The following NXN variants were observed in gnomAD, a reference collection of about 807,000 sequenced individuals.
NXN encodes the protein nucleoredoxin 1.
In NXN, 16 loss-of-function variants were observed where a neutral mutation model predicts 48.6. That is an observed-to-expected ratio of 0.33 (90% CI 0.22 to 0.50). NXN has a LOEUF of 0.50. Among genes scored for constraint, NXN ranks in the 20% least tolerant of loss-of-function variants. NXN has a pLI of 0.98. For missense variants in NXN, 492 were observed against 605.5 expected (o/e 0.81, Z 1.97); for synonymous variants, 281 against 269.6 (o/e 1.04, Z -0.41).
chr17:966,655 C>A (rs1469124395), intron 1 of NXN, among the ~76,000 whole-genome samples: 4 of 152,008 alleles, frequency 2.6e-5, no homozygotes, highest in Non-Finnish European at 5.9e-5. Flanking sequence ...CTGGTGTTCG[C>A]ATATTTTATG....
intron 1 of NXN, chr17:864,056 G>T (rs12946378): frequency 3.6e-6 from 5 of 1,391,570 alleles, no homozygotes; most frequent in Non-Finnish European, 4.6e-6. Flanking sequence ...GCCATTGCTC[G>T]GTTCCGGTGA....
intron 1 of NXN, among the ~76,000 whole-genome samples, chr17:938,565 C>T (rs759390712): frequency 7.9e-5 from 12 of 151,956 alleles, no homozygotes; most frequent in African/African-American, 1.2e-4. Context: ...CCCCTGTAGT[C>T]CCAGCTACTT....
intron 1 of NXN, among the ~76,000 whole-genome samples, chr17:881,334 C>T (rs1191362716): frequency 6.6e-6 from 1 of 152,128 alleles, no homozygotes; most frequent in Non-Finnish European, 1.5e-5. Flanking sequence ...CGCAGCACCC[C>T]AGACTCAAGT....
chr17:903,254 G>A (rs1278074223), intron 1 of NXN, among the ~76,000 whole-genome samples: 1 of 152,068 alleles, frequency 6.6e-6, no homozygotes, highest in Admixed American at 6.6e-5. Context: ...CACCCAGGCT[G>A]GAGTGCAGTG....
chr17:932,283 C>T lies in NXN; in HGVS notation c.360+47036G>A, dbSNP rs540998688. Among the ~76,000 whole-genome samples, 16 of 152,314 alleles carry T rather than the reference C, an allele frequency of 1.1e-4. No individual in the cohort carries two copies. The highest frequency in any genetic ancestry group is 3.4e-4 in the African/African-American group (14 of 41,572). On this transcript the variant is annotated intron_variant, in intron 1 of 7. Coordinates refer to ENST00000336868, the MANE Select transcript of NXN (RefSeq NM_022463.5). The surrounding 1 kb of genome is among the most constrained non-coding windows in gnomAD (Gnocchi z 4.1). ...AAACCGGCCTTGTTTTGGTCCTAGG[C>T]GGCGGTTCTTAAACTCTGGTCCCTG...
rs1913936428 is a variant in NXN, at chr17:838,188, G to A, written c.361-12110C>T. ...GCTCTGTCGCCCAGGCTGGAGTGCA[G>A]TGGCTCGATCTCTGCTCACCACAAC... On this transcript the variant is annotated intron_variant, in intron 1 of 7. Coordinates refer to ENST00000336868, the MANE Select transcript of NXN (RefSeq NM_022463.5). Among the ~76,000 whole-genome samples the A allele has an allele frequency of 2.2e-5, 3 of 133,608 alleles. No homozygotes were observed. In the South Asian group the frequency reaches 7.0e-4, roughly 31 times the overall value. 87.7% of individuals were successfully genotyped at this position (133,608 alleles called of 152,430 possible). A position where few individuals can be genotyped will look rare whatever the true frequency, so the allele number is the denominator to read the frequency against.
chr17:864,083 T>C, intron 1 of NXN: 1 of 1,426,168 alleles, frequency 7.0e-7, no homozygotes, highest in Non-Finnish European at 9.1e-7. Context: ...ACAGTTACCG[T>C]TGCTCGGTTC....
At chr17:915,222 C>CCA (rs2068676105) in intron 1 of NXN, among the ~76,000 whole-genome samples, 1 of 152,202 alleles carries the variant, frequency 6.6e-6, no homozygotes, top group Non-Finnish European at 1.5e-5. Flanking sequence ...GCGTGAGCCA[C>CCA]TGCACCCGGC....
intron 1 of NXN, chr17:896,970 C>T (rs577750526): frequency 1.7e-6 from 2 of 1,191,198 alleles, no homozygotes; most frequent in Non-Finnish European, 2.1e-6. Context: ...TGCAGTGACG[C>T]CTCTCCTAGG....
At chr17:875,604 GTTT>G (rs1323720690) in intron 1 of NXN, among the ~76,000 whole-genome samples, 1 of 151,582 alleles carries the variant, frequency 6.6e-6, no homozygotes, top group South Asian at 2.1e-4. Context: ...TGGTGTTTTT[GTTT>G]TTGTTTTAAG....
chr17:813,927 A>T (rs530738218), intron 5 of NXN, among the ~76,000 whole-genome samples: 1 of 146,518 alleles, frequency 6.8e-6, no homozygotes, highest in Non-Finnish European at 1.5e-5. Flanking sequence ...GATTGTGCCA[A>T]TGTACTCCAG....
chr17:976,037 G>T (rs2069453256), intron 1 of NXN, among the ~76,000 whole-genome samples: 1 of 152,164 alleles, frequency 6.6e-6, no homozygotes, highest in African/African-American at 2.4e-5. Context: ...TACAATTTAT[G>T]CACAGCTATA....
At chr17:817,582 T>G (rs753890790) in intron 5 of NXN, among the ~76,000 whole-genome samples, 3 of 148,614 alleles carry the variant, frequency 2.0e-5, no homozygotes, top group Non-Finnish European at 4.4e-5. Context: ...GGCAGGAGAA[T>G]GGCGTGAACC....
chr17:814,292 T>A (rs1912346262), intron 5 of NXN, among the ~76,000 whole-genome samples: 1 of 151,906 alleles, frequency 6.6e-6, no homozygotes, highest in Non-Finnish European at 1.5e-5. Flanking sequence ...AAAAAGGCTG[T>A]CCTAGGGTAC....
intron 1 of NXN, among the ~76,000 whole-genome samples, chr17:852,051 C>G (rs1213815746): frequency 3.3e-5 from 5 of 152,228 alleles, no homozygotes; most frequent in Non-Finnish European, 7.3e-5. Flanking sequence ...CCCTGCCACC[C>G]TAATCCCTCA....
rs957170158 is a variant in NXN, at chr17:800,654, A to T, written c.*295T>A. ...CACTCTGCCCAGGACACCCTGGCAG[A>T]TCCTTCACCAAAAGCTAGTGACTTT... On this transcript the variant is annotated 3_prime_UTR_variant, in exon 8 of 8. Transcript: ENST00000336868. The T allele has an allele frequency of 3.1e-5, 7 of 226,280 alleles. No individual in the cohort carries two copies. Among genetic ancestry groups the T allele is most frequent in the Non-Finnish European group, 6.0e-5 (7 of 116,018 alleles). The allele number at this position is 226,280 out of a possible 1,614,324, so 14.0% of individuals were successfully genotyped here.
chr17:833,290 C>A (rs1222077764), intron 1 of NXN, among the ~76,000 whole-genome samples: 1 of 152,146 alleles, frequency 6.6e-6, no homozygotes, highest in Non-Finnish European at 1.5e-5. Flanking sequence ...CCTCAGGCCA[C>A]CCAAAGCATG....
intron 1 of NXN, among the ~76,000 whole-genome samples, chr17:845,805 G>A (rs1011401614): frequency 4.6e-5 from 7 of 152,242 alleles, no homozygotes; most frequent in Admixed American, 1.3e-4. Flanking sequence ...GGCGGCTCAC[G>A]CCTGTAATCC....
At chr17:819,801 G>A (rs1255565920) in intron 4 of NXN, among the ~76,000 whole-genome samples, 1 of 152,078 alleles carries the variant, frequency 6.6e-6, no homozygotes, top group Non-Finnish European at 1.5e-5. Flanking sequence ...TCCAGGCAAC[G>A]CAACTCAGGT....
Sources: gnomAD v4.1 joint callset for allele counts (sites outside exome capture counted in the v4.1 genomes callset) on GRCh38, gnomAD v4.1.1 for gene constraint, Gnocchi (gnomAD v3.1) non-coding constraint, MANE v1.5 for transcripts, NCBI Gene and HGNC (gene_info 2026-07-23, HGNC 2026-07-21) for gene names.